Variants in GABRA2 observed in about 807,000 individuals in gnomAD.
GABRA2 encodes gamma-aminobutyric acid type A receptor subunit alpha2.
GABRA2 carries 16 observed loss-of-function variants against 48.7 expected under a neutral mutation model. The ratio of observed to expected loss-of-function variants is 0.33; its 90% CI spans 0.22 to 0.50. The LOEUF is 0.50. Ranked by LOEUF, GABRA2 falls within the 20% of genes least tolerant of loss-of-function variation. GABRA2 has a pLI of 0.98. For synonymous variants in GABRA2, 185 were observed against 184.5 expected (o/e 1.00, Z -0.02); for missense variants, 275 against 535.6 (o/e 0.51, Z 4.80).
In GABRA2 at chr4:46,305,514, T is replaced by TGGA. The variant is rs1726528730; in HGVS notation, c.703+53_703+54insTCC. ...GCAATCTGACACACTTCCAAGTCCT[T>TGGA]TAACCTATTAATATTCTTAGGCACC... On this transcript the variant is annotated intron_variant, in intron 7 of 9. Coordinates refer to ENST00000381620, the MANE Select transcript of GABRA2 (RefSeq NM_000807.4). The TGGA allele has an allele frequency of 5.8e-6, 9 of 1,540,118 alleles. No individual in the cohort carries two copies. The South Asian group carries it at 1.0e-4, about 18-fold the overall frequency.
In GABRA2 at chr4:46,268,358, G is replaced by C. The variant is rs141107428; in HGVS notation, c.857-6230C>G. Among the ~76,000 whole-genome samples, 497 of 151,898 alleles carry C rather than the reference G, an allele frequency of 3.3e-3. 1 individual carries two copies. Among genetic ancestry groups the C allele is most frequent in the African/African-American group, 0.011 (448 of 41,496 alleles). ...AAACACCTCTATAGAAATAAAACAA[G>C]TAATTGAATTGAGAAACAGGCAAGG... On this transcript the variant is annotated intron_variant, in intron 8 of 9. Coordinates refer to ENST00000381620, the MANE Select transcript of GABRA2 (RefSeq NM_000807.4).
chr4:46,268,681 T>A (rs1718723565), intron 8 of GABRA2, among the ~76,000 whole-genome samples: 1 of 151,896 alleles, frequency 6.6e-6, no homozygotes, highest in Non-Finnish European at 1.5e-5. Context: ...GCAATCCCAC[T>A]TCTGGGAATT....
chr4:46,361,704 G>A (rs1025262867), intron 3 of GABRA2, among the ~76,000 whole-genome samples: 3 of 152,338 alleles, frequency 2.0e-5, no homozygotes, highest in Non-Finnish European at 2.9e-5. Flanking sequence ...TGAAAAAGCT[G>A]AAAACACTCA....
chr4:46,265,528 G>A (rs969090992), intron 8 of GABRA2, among the ~76,000 whole-genome samples: 83 of 134,364 alleles, frequency 6.2e-4, no homozygotes, highest in Non-Finnish European at 1.0e-3. Context: ...CAGAAGTGAT[G>A]TCCCATCTTC....
At chr4:46,286,679 T>C (rs1040995396) in intron 8 of GABRA2, among the ~76,000 whole-genome samples, 1 of 152,202 alleles carries the variant, frequency 6.6e-6, no homozygotes, top group Non-Finnish European at 1.5e-5. Context: ...TGGTTTTTGT[T>C]TGTAATTCCT....
At chr4:46,257,814 G>T (rs1425424703) in intron 9 of GABRA2, among the ~76,000 whole-genome samples, 1 of 151,606 alleles carries the variant, frequency 6.6e-6, no homozygotes, top group Non-Finnish European at 1.5e-5. Context: ...TGAAAATATG[G>T]TCTAAGATAT....
chr4:46,337,591 G>A (rs1177175376), intron 3 of GABRA2, among the ~76,000 whole-genome samples: 10 of 143,572 alleles, frequency 7.0e-5, no homozygotes, highest in East Asian at 2.2e-4. Flanking sequence ...AGGGCAAGCC[G>A]AGACAAAGTA....
rs1713304351 is a variant in GABRA2 at position 46,244,299 on chromosome 4, G to A, written c.*6009C>T. 6.6e-6 allele frequency: 1 copy of A among 151,610 alleles called. No individual in the cohort carries two copies. The highest frequency in any genetic ancestry group is 2.1e-4 in the South Asian group (1 of 4,832). The allele number at this position is 151,610 out of a possible 1,614,324, so 9.4% of individuals were successfully genotyped here. On this transcript the variant is annotated 3_prime_UTR_variant, in exon 10 of 10. Coordinates refer to ENST00000381620, the MANE Select transcript of GABRA2 (RefSeq NM_000807.4). ...CAAATCTATCAGTACTATTTCTAAAGTAATTCTGCAACTAACTCTTGCTTT... is the reference window on the plus strand; with the variant it reads ...CAAATCTATCAGTACTATTTCTAAAATAATTCTGCAACTAACTCTTGCTTT...
intron 8 of GABRA2, among the ~76,000 whole-genome samples, chr4:46,298,695 C>A (rs1397696098): frequency 6.6e-6 from 1 of 151,778 alleles, no homozygotes; most frequent in Non-Finnish European, 1.5e-5. Context: ...TGAAAAATTA[C>A]CATAATGAAA....
intron 8 of GABRA2, among the ~76,000 whole-genome samples, chr4:46,273,487 A>G: frequency 1.1e-4 from 3 of 27,974 alleles, no homozygotes; most frequent in African/African-American, 4.6e-4. Context: ...ATATATGCAT[A>G]TATATATATA....
rs913403082 is a variant in GABRA2 at position 46,317,583 on chromosome 4, T to C, written c.256-4867A>G. Among the ~76,000 whole-genome samples the C allele has an allele frequency of 2.6e-5, 4 of 151,754 alleles. No individual in the cohort carries two copies. The Admixed American group carries it at 2.6e-4, about 10-fold the overall frequency. On this transcript the variant is annotated intron_variant, in intron 4 of 9. Transcript: ENST00000381620. ...GTGATTGTGCCTAGTTAGGTGAATT[T>C]ACAATACTTATTTTTGATTAAACTA...
At chr4:46,377,736 G>C (rs1716044753) in intron 3 of GABRA2, among the ~76,000 whole-genome samples, 1 of 143,428 alleles carries the variant, frequency 7.0e-6, no homozygotes, top group African/African-American at 2.6e-5. Flanking sequence ...AGGTGGGGGG[G>C]GTCAGCCCCC....
intron 3 of GABRA2, among the ~76,000 whole-genome samples, chr4:46,373,662 C>G (rs540011326): frequency 6.6e-6 from 1 of 152,238 alleles, no homozygotes; most frequent in East Asian, 1.9e-4. Flanking sequence ...GTTTTAATTA[C>G]TGTTGTCTTA....
intron 4 of GABRA2, 73 bp from the exon 5 acceptor site, chr4:46,312,789 A>G (rs1395441584): frequency 2.7e-6 from 2 of 734,492 alleles, no homozygotes; most frequent in Non-Finnish European, 4.3e-6. Flanking sequence ...ATTCCAAAAT[A>G]ATATTCTAAT....
At chr4:46,268,725 G>C (rs1407183318) in intron 8 of GABRA2, among the ~76,000 whole-genome samples, 2 of 151,876 alleles carry the variant, frequency 1.3e-5, no homozygotes, top group Non-Finnish European at 2.9e-5. Context: ...ATAGTGAAGA[G>C]ATATCTGCAC....
At chr4:46,300,779 T>C (rs1725602059) in intron 8 of GABRA2, among the ~76,000 whole-genome samples, 2 of 152,096 alleles carry the variant, frequency 1.3e-5, no homozygotes, top group African/African-American at 2.4e-5. Context: ...TTGTTATATA[T>C]GTTCACCAAA....
intron 3 of GABRA2, among the ~76,000 whole-genome samples, chr4:46,383,998 T>C (rs1435501520): frequency 6.6e-6 from 1 of 152,186 alleles, no homozygotes; most frequent in Non-Finnish European, 1.5e-5. Context: ...ATCATTGAAA[T>C]GCCAATATGT....
At chr4:46,274,863 T>C (rs566975126) in intron 8 of GABRA2, among the ~76,000 whole-genome samples, 24 of 152,068 alleles carry the variant, frequency 1.6e-4, no homozygotes, top group Non-Finnish European at 3.2e-4. Flanking sequence ...ATTGGGGGTC[T>C]ACAATTAGAC....
chr4:46,330,242 A>T (rs2109799924), intron 4 of GABRA2, among the ~76,000 whole-genome samples: 1 of 152,132 alleles, frequency 6.6e-6, no homozygotes, highest in East Asian at 1.9e-4. Flanking sequence ...CTGCTAAAAA[A>T]TTTTAAAGTT....
Sources: allele counts gnomAD v4.1 joint callset (sites outside exome capture counted in the v4.1 genomes callset), GRCh38; gene constraint gnomAD v4.1.1; transcripts MANE v1.5; gene names NCBI Gene and HGNC (gene_info 2026-07-23, HGNC 2026-07-21).